CLASP1: variants seen among roughly 807,000 people sequenced by gnomAD.
CLASP1 encodes cytoplasmic linker associated protein 1.
CLASP1 carries 38 observed loss-of-function variants against 192.3 expected under a neutral mutation model. The observed-to-expected ratio is 0.20, with a 90% CI of 0.15 to 0.26. The LOEUF (loss-of-function observed/expected upper bound fraction) is 0.26. Ranked by LOEUF, CLASP1 falls within the 10% of genes least tolerant of loss-of-function variation. CLASP1 has a pLI of 1.00. For missense variants in CLASP1, 1,433 were observed against 1,932.5 expected (o/e 0.74, Z 4.85); for synonymous variants, 691 against 712.8 (o/e 0.97, Z 0.49).
chr2:121,339,656 CTTTTT>C (rs1274080037), exon 40 of CLASP1: 2 of 152,152 alleles, frequency 1.3e-5, no homozygotes, highest in Non-Finnish European at 2.9e-5. Flanking sequence ...AATGTGTGTT[CTTTTT>C]AAGTGTGTTT....
chr2:121,563,710 T>C (rs1273210672), intron 2 of CLASP1, among the ~76,000 whole-genome samples: 1 of 152,186 alleles, frequency 6.6e-6, no homozygotes, highest in Non-Finnish European at 1.5e-5. Context: ...CTCCCACTCT[T>C]ATCTAATCCT....
chr2:121,521,660 C>T (rs933940580), intron 6 of CLASP1, among the ~76,000 whole-genome samples: 4 of 152,200 alleles, frequency 2.6e-5, no homozygotes, highest in African/African-American at 9.6e-5. Flanking sequence ...TGAGTCACTG[C>T]ATTCGGACCA....
At chr2:121,602,760 G>A (rs2063938551) in intron 2 of CLASP1, among the ~76,000 whole-genome samples, 1 of 152,118 alleles carries the variant, frequency 6.6e-6, no homozygotes. Flanking sequence ...TCCATATGCA[G>A]AAGAATAAAA....
intron 8 of CLASP1, among the ~76,000 whole-genome samples, chr2:121,477,156 C>A (rs535877045): frequency 6.6e-6 from 1 of 152,182 alleles, no homozygotes; most frequent in Admixed American, 6.5e-5. Context: ...ACTTTGTATT[C>A]TTCTTGGTAT....
At chr2:121,500,158 T>C (rs1008682699) in intron 8 of CLASP1, among the ~76,000 whole-genome samples, 6 of 151,492 alleles carry the variant, frequency 4.0e-5, no homozygotes, top group Admixed American at 2.6e-4. Context: ...AGGTATGAAA[T>C]GGAGAAAGCA....
At chr2:121,593,901 T>C (rs61062716) in intron 2 of CLASP1, among the ~76,000 whole-genome samples, 36,091 of 150,966 alleles carry the variant, frequency 0.24, 6,592 homozygotes, top group African/African-American at 0.51. Flanking sequence ...CCCAGCTACT[T>C]GGGAGGCTGA....
chr2:121,592,720 C>T (rs537186681), intron 2 of CLASP1, among the ~76,000 whole-genome samples: 1 of 152,098 alleles, frequency 6.6e-6, no homozygotes, highest in East Asian at 1.9e-4. Context: ...GGCATGATCT[C>T]GGCTCACTGC....
chr2:121,436,192 T>A (rs1344928004), intron 19 of CLASP1, among the ~76,000 whole-genome samples: 1 of 151,752 alleles, frequency 6.6e-6, no homozygotes, highest in African/African-American at 2.4e-5. Flanking sequence ...CCACCACGCC[T>A]GGCTAGTTTT....
chr2:121,377,723 C>T, intron 33 of CLASP1, 74 bp from the exon 35 acceptor site: 1 of 1,017,972 alleles, frequency 9.8e-7, no homozygotes, highest in Non-Finnish European at 1.4e-6. Context: ...TAAGTTACTT[C>T]CCACAATTTA....
At chr2:121,435,016 TTC>T (rs2082067572) in intron 19 of CLASP1, among the ~76,000 whole-genome samples, 1 of 151,274 alleles carries the variant, frequency 6.6e-6, no homozygotes, top group Admixed American at 6.6e-5. Context: ...AGTTTTAGAT[TTC>T]TCTCTTTAAA....
intron 1 of CLASP1, among the ~76,000 whole-genome samples, chr2:121,643,101 A>G (rs2072457313): frequency 6.6e-6 from 1 of 152,218 alleles, no homozygotes; most frequent in Admixed American, 6.5e-5. Context: ...AGACAGGCTC[A>G]CCTAAACGCA....
intron 2 of CLASP1, among the ~76,000 whole-genome samples, chr2:121,582,978 G>T (rs1446664159): frequency 6.6e-6 from 1 of 151,828 alleles, no homozygotes; most frequent in Non-Finnish European, 1.5e-5. Flanking sequence ...TAGATACGGG[G>T]TTTCACCATG....
intron 1 of CLASP1, among the ~76,000 whole-genome samples, chr2:121,614,475 G>A (rs11122863): frequency 0.23 from 35,008 of 152,032 alleles, 6,036 homozygotes; most frequent in African/African-American, 0.48. Context: ...CAGTTGGGGC[G>A]ACAGAGTGAG....
chr2:121,470,023 A>G, intron 8 of CLASP1, 63 bp from the exon 9 acceptor site: 1 of 1,248,668 alleles, frequency 8.0e-7, no homozygotes, highest in South Asian at 1.4e-5. Context: ...ACATATATAT[A>G]TACTTTTTCA....
intron 2 of CLASP1, among the ~76,000 whole-genome samples, chr2:121,535,683 C>G (rs927266905): frequency 6.6e-6 from 1 of 151,396 alleles, no homozygotes; most frequent in Non-Finnish European, 1.5e-5. Flanking sequence ...GGATCATGCT[C>G]TGTCACCCAG....
intron 2 of CLASP1, chr2:121,530,804 G>A: frequency 3.2e-6 from 2 of 620,044 alleles, no homozygotes; most frequent in Non-Finnish European, 5.9e-6. Flanking sequence ...CGACTAGGGC[G>A]AGGCTCACGA....
chr2:121,434,767 A>G (rs1574785382), intron 19 of CLASP1, among the ~76,000 whole-genome samples: 1 of 152,014 alleles, frequency 6.6e-6, no homozygotes, highest in South Asian at 2.1e-4. Context: ...AGGCAGGTGG[A>G]TTACTTGAGG....
At chr2:121,467,802 C>A (rs1388464076) in intron 9 of CLASP1, among the ~76,000 whole-genome samples, 2 of 152,138 alleles carry the variant, frequency 1.3e-5, no homozygotes, top group Non-Finnish European at 2.9e-5. Flanking sequence ...TAATTAGGTC[C>A]ATTTGTCAAT....
chr2:121,462,609 T>TA lies in CLASP1; in HGVS notation c.866-5dup. The TA allele has an allele frequency of 6.3e-7, 1 of 1,585,104 alleles. No individual in the cohort carries two copies. The highest frequency in any genetic ancestry group is 8.6e-7 in the Non-Finnish European group (1 of 1,158,218). ...GCACCAGCTCCTTCTTTTGCAGCTG[T>TA]AAAAAAGAATTTTAAAAATGTAAAC... On this transcript the variant is annotated splice_polypyrimidine_tract_variant and splice_region_variant and intron_variant, in intron 9 of 39. Coordinates refer to ENST00000263710, the Ensembl canonical transcript of CLASP1.
Sources: gnomAD v4.1 joint callset for allele counts (sites outside exome capture counted in the v4.1 genomes callset) on GRCh38, gnomAD v4.1.1 for gene constraint, MANE v1.5 for transcripts, NCBI Gene and HGNC (gene_info 2026-07-23, HGNC 2026-07-21) for gene names.